CCDC158: variants seen among roughly 807,000 people sequenced by gnomAD.
CCDC158 encodes the protein coiled-coil domain containing 158, also known as coiled-coil domain-containing protein 158.
CCDC158 carries 116 observed loss-of-function variants against 138.6 expected under a neutral mutation model. That is an observed-to-expected ratio of 0.84 (90% confidence interval 0.72 to 0.98). The LOEUF (loss-of-function observed/expected upper bound fraction) is 0.98, where lower values mean the gene tolerates loss of function less well. CCDC158 is among the 50% of genes least tolerant of loss of function. CCDC158 has a pLI of 0.00. For synonymous variants in CCDC158, 436 were observed against 442.4 expected, an observed-to-expected ratio of 0.99 and a Z score of 0.18; for missense variants, 1,265 against 1,306.1, an observed-to-expected ratio of 0.97 and a Z score of 0.48.
intron 2 of CCDC158, among the ~76,000 whole-genome samples, chr4:76,410,904 C>T (rs76140557): frequency 0.029 from 4,456 of 152,224 alleles, 218 homozygotes; most frequent in African/African-American, 0.1. Flanking sequence ...ACCTTGAGAA[C>T]AATATTTAAC....
intron 13 of CCDC158, among the ~76,000 whole-genome samples, chr4:76,360,664 T>C (rs1290602676): frequency 6.6e-6 from 1 of 152,242 alleles, no homozygotes; most frequent in African/African-American, 2.4e-5. Flanking sequence ...GTAGCCTCTT[T>C]GCTTTGGCCA....
In CCDC158 at chr4:76,371,548, G is replaced by A. The variant is rs1725240269; in HGVS notation, c.1030-12C>T. The A allele has an allele frequency of 6.2e-7, 1 of 1,613,904 alleles. No homozygotes were observed. The highest frequency in any genetic ancestry group is 8.5e-7 in the Non-Finnish European group (1 of 1,179,862). ...TCCAGCTCTTCTGTCTGAAAGGAAA[G>A]TACAAATTGAACAGTGTCTGATTAT... On this transcript the variant is annotated splice_polypyrimidine_tract_variant and intron_variant, in intron 9 of 24. Coordinates refer to ENST00000682701, the MANE Select transcript of CCDC158 (RefSeq NM_001394954.1).
At position 76,342,410 on chromosome 4, in the gene CCDC158, T is replaced by A. The variant is rs1240078545; in HGVS notation, c.2665-8243A>T. On this transcript the variant is annotated intron_variant, in intron 18 of 24. Transcript: ENST00000682701. ...TTCTTCAAGCCTCATTTCCCCTGTC[T>A]GTAAAACAGGTATAGTAATAGCACT... Among the ~76,000 whole-genome samples, 3 of 152,310 alleles carry A rather than the reference T, an allele frequency of 2.0e-5. No homozygotes were observed. In the East Asian group the frequency reaches 5.8e-4, roughly 29 times the overall value.
intron 4 of CCDC158, among the ~76,000 whole-genome samples, chr4:76,386,639 C>A (rs1431910807): frequency 6.6e-6 from 1 of 152,242 alleles, no homozygotes; most frequent in Non-Finnish European, 1.5e-5. Context: ...ACACCCTCCA[C>A]CATTAAAAAT....
At position 76,325,899 on chromosome 4, in the gene CCDC158, A is replaced by G. The variant is rs1336378198; in HGVS notation, c.3127T>C (p.Tyr1043His). Residue 1043 changes from tyrosine to histidine, a missense_variant, in exon 23 of 25, where the codon TAT becomes CAT. Tyr to His is a moderately conservative substitution (Grantham distance 83, BLOSUM62 2). Coordinates refer to ENST00000682701, the MANE Select transcript of CCDC158 (RefSeq NM_001394954.1). ...VEGSIGSTSQ[Y>H]RSAKPIHSSD... Reference sequence around the variant, plus strand: ...GAATGAATAGGTTTGGCAGATCTATACTGTGATGTGGAACCTATTGAACCT... The same window carrying G: ...GAATGAATAGGTTTGGCAGATCTATGCTGTGATGTGGAACCTATTGAACCT... The G allele has an allele frequency of 1.2e-6, 2 of 1,613,678 alleles. No individual in the cohort carries two copies. The highest frequency in any genetic ancestry group is 2.7e-5 in the African/African-American group (2 of 74,926).
At chr4:76,367,082 G>A (rs547940767) in intron 12 of CCDC158, among the ~76,000 whole-genome samples, 59 of 152,100 alleles carry the variant, frequency 3.9e-4, no homozygotes, top group Non-Finnish European at 7.4e-4. Context: ...TTTTGTACCC[G>A]TGATTTTGAG....
At chr4:76,372,191 T>A (rs1303533263) in intron 9 of CCDC158, among the ~76,000 whole-genome samples, 1 of 152,140 alleles carries the variant, frequency 6.6e-6, no homozygotes, top group Non-Finnish European at 1.5e-5. Flanking sequence ...ATGCCTGTAA[T>A]CCTTTGGGAG....
At chr4:76,342,399 T>C (rs1443201075) in intron 18 of CCDC158, among the ~76,000 whole-genome samples, 4 of 152,164 alleles carry the variant, frequency 2.6e-5, no homozygotes, top group Admixed American at 6.6e-5. Context: ...TCAAGCCTCA[T>C]TTCCCCTGTC....
intron 14 of CCDC158, among the ~76,000 whole-genome samples, chr4:76,355,798 C>CGTGTGTGT (rs71212417): frequency 0.067 from 9,793 of 145,500 alleles, 439 homozygotes; most frequent in Non-Finnish European, 0.095. Context: ...AATATATGTA[C>CGTGTGTGT]GTGTGTGTGT....
intron 4 of CCDC158, among the ~76,000 whole-genome samples, chr4:76,389,687 A>G (rs1442698130): frequency 6.6e-6 from 1 of 152,208 alleles, no homozygotes; most frequent in Admixed American, 6.5e-5. Flanking sequence ...CCAAAGGCCA[A>G]GGATAAAGGA....
chr4:76,394,370 G>T (rs1727582786), intron 4 of CCDC158, among the ~76,000 whole-genome samples: 1 of 152,086 alleles, frequency 6.6e-6, no homozygotes, highest in African/African-American at 2.4e-5. Context: ...AGTGAAATAA[G>T]CCAGGCACAG....
intron 18 of CCDC158, among the ~76,000 whole-genome samples, chr4:76,338,865 C>A (rs1721789118): frequency 6.6e-6 from 1 of 152,136 alleles, no homozygotes; most frequent in Admixed American, 6.5e-5. Flanking sequence ...TAAAAACAAT[C>A]ATCACTGGAA....
intron 3 of CCDC158, among the ~76,000 whole-genome samples, chr4:76,398,423 T>A (rs763951129): frequency 6.6e-6 from 1 of 152,162 alleles, no homozygotes; most frequent in African/African-American, 2.4e-5. Flanking sequence ...TCCTAGCACT[T>A]TGGGAGGCCA....
chr4:76,382,273 C>G (rs112519263), intron 8 of CCDC158, among the ~76,000 whole-genome samples: 4,476 of 152,216 alleles, frequency 0.029, 221 homozygotes, highest in African/African-American at 0.1. Context: ...ACTCACGACT[C>G]CTGTTAAGCC....
chr4:76,336,860 C>T (rs986939844), intron 18 of CCDC158, among the ~76,000 whole-genome samples: 11 of 152,124 alleles, frequency 7.2e-5, no homozygotes, highest in Non-Finnish European at 1.2e-4. Flanking sequence ...ACAATAACGC[C>T]GACTGAGACT....
At position 76,405,221 on chromosome 4, in the gene CCDC158, T is replaced by C. The variant is rs573844166; in HGVS notation, c.-73-1941A>G. ...GGTTATTAAAAAACAATACACACAG[T>C]AAGGCAAGAGTGTAGTAGTACTTTC... On this transcript the variant is annotated intron_variant, in intron 2 of 24. Transcript: ENST00000682701. Among the ~76,000 whole-genome samples the C allele has an allele frequency of 1.0e-3, 158 of 152,186 alleles. 1 individual carries two copies. Among genetic ancestry groups the C allele is most frequent in the Non-Finnish European group, 1.7e-3 (115 of 68,004 alleles).
At chr4:76,385,524 GAA>G (rs997489201) in intron 4 of CCDC158, among the ~76,000 whole-genome samples, 1 of 152,042 alleles carries the variant, frequency 6.6e-6, no homozygotes, top group African/African-American at 2.4e-5. Context: ...TGGTTGTAAA[GAA>G]AAAAGTTCAA....
In CCDC158 at chr4:76,381,913, C is replaced by T. The variant is rs188450452; in HGVS notation, c.914+697G>A. Among the ~76,000 whole-genome samples, 422 of 146,602 alleles carry T rather than the reference C, an allele frequency of 2.9e-3. 2 individuals carry two copies. Among genetic ancestry groups the T allele is most frequent in the African/African-American group, 9.6e-3 (383 of 40,006 alleles). On this transcript the variant is annotated intron_variant, in intron 8 of 24. Coordinates refer to ENST00000682701, the MANE Select transcript of CCDC158 (RefSeq NM_001394954.1). ...AGCCAGGATGCTCTCGATCTCCTGA[C>T]CTCGTGATCTGCCCGCCTCAGCCTC...
At chr4:76,375,485 G>T in intron 9 of CCDC158, 1 of 678,202 alleles carries the variant, frequency 1.5e-6, no homozygotes, top group Non-Finnish European at 2.7e-6. Flanking sequence ...GAATCTTCCT[G>T]CACAGTATAT....
Sources: gnomAD v4.1 joint callset for allele counts (sites outside exome capture counted in the v4.1 genomes callset) on GRCh38, gnomAD v4.1.1 for gene constraint, MANE v1.5 for transcripts, NCBI Gene and HGNC (gene_info 2026-07-23, HGNC 2026-07-21) for gene names.